Variants in GSE1 observed in about 807,000 individuals in gnomAD.
GSE1 encodes the protein Gse1 coiled-coil protein.
A neutral mutation model predicts 112.6 loss-of-function variants in GSE1; 32 were observed. The observed-to-expected ratio is 0.28, with a 90% CI of 0.21 to 0.38. The LOEUF is 0.38. Ranked by LOEUF, GSE1 falls within the 10% of genes least tolerant of loss-of-function variation. The pLI is 1.00. For synonymous variants in GSE1, 1,115 were observed against 735.6 expected (o/e 1.52, Z -8.35); for missense variants, 2,348 against 1,699.2 (o/e 1.38, Z -6.71).
intron 1 of GSE1, among the ~76,000 whole-genome samples, chr16:85,334,637 A>T (rs533528925): frequency 5.3e-5 from 8 of 152,206 alleles, no homozygotes; most frequent in Admixed American, 3.9e-4. Context: ...GGAGCCCCTT[A>T]TTGGGGCTAT....
intron 2 of GSE1, among the ~76,000 whole-genome samples, chr16:85,641,710 G>A (rs531841135): frequency 4.7e-4 from 71 of 152,344 alleles, no homozygotes; most frequent in Non-Finnish European, 8.4e-4. Flanking sequence ...CCAGTGGGTG[G>A]GGGGCTGATT....
chr16:85,628,672 C>T (rs1353382653), intron 1 of GSE1, among the ~76,000 whole-genome samples: 1 of 152,228 alleles, frequency 6.6e-6, no homozygotes, highest in Non-Finnish European at 1.5e-5. Flanking sequence ...TGACTTCGTG[C>T]CGTCGAGCCG....
intron 2 of GSE1, among the ~76,000 whole-genome samples, chr16:85,362,508 C>G (rs2047102353): frequency 6.6e-6 from 1 of 152,246 alleles, no homozygotes; most frequent in African/African-American, 2.4e-5. Context: ...ATGGAGCCTT[C>G]TCAAGGTTCA....
chr16:85,656,901 G>C (rs2052007444), intron 7 of GSE1, among the ~76,000 whole-genome samples: 1 of 152,266 alleles, frequency 6.6e-6, no homozygotes, highest in African/African-American at 2.4e-5. Flanking sequence ...CGGGGCATTA[G>C]GAAGGGATGT....
intron 2 of GSE1, among the ~76,000 whole-genome samples, chr16:85,404,018 T>TCA (rs1286733478): frequency 4.3e-5 from 3 of 70,296 alleles, no homozygotes; most frequent in African/African-American, 7.2e-5. Context: ...TGTGCCGTCC[T>TCA]TACGGGGCCT....
intron 1 of GSE1, among the ~76,000 whole-genome samples, chr16:85,179,508 G>A (rs1015698014): frequency 3.9e-5 from 6 of 152,160 alleles, no homozygotes; most frequent in African/African-American, 1.4e-4. Context: ...TTGAGTGTGC[G>A]CCTGGGAGTA....
upstream of GSE1, among the ~76,000 whole-genome samples, chr16:85,554,154 T>C (rs2151250437): frequency 6.6e-6 from 1 of 151,708 alleles, no homozygotes; most frequent in South Asian, 2.1e-4. Context: ...CAGCGTGCGT[T>C]TAAGGAGAGG....
At chr16:85,169,872 G>A in exon 1 of GSE1, 1 of 984,494 alleles carries the variant, frequency 1.0e-6, no homozygotes, top group Non-Finnish European at 1.2e-6. Context: ...ACTGGCTCAA[G>A]CGGCCCCACC....
chr16:85,569,324 AC>A (rs1375799651), intron 1 of GSE1, among the ~76,000 whole-genome samples: 1 of 152,128 alleles, frequency 6.6e-6, no homozygotes, highest in Admixed American at 6.5e-5. Context: ...ACCGTGACCT[AC>A]CACTGTAGCT....
At chr16:85,362,114 G>A (rs965557069) in intron 2 of GSE1, among the ~76,000 whole-genome samples, 18 of 152,330 alleles carry the variant, frequency 1.2e-4, no homozygotes, top group Middle Eastern at 3.4e-3. Context: ...GAGGAACCCT[G>A]GGGCTGGGAT....
chr16:85,511,720 G>A (rs975347525), intron 2 of GSE1, among the ~76,000 whole-genome samples: 3 of 152,128 alleles, frequency 2.0e-5, no homozygotes, highest in African/African-American at 7.2e-5. Context: ...ACAGGCAGAG[G>A]GAGATTTGAG....
chr16:85,233,226 G>A (rs998793905), intron 1 of GSE1, among the ~76,000 whole-genome samples: 2 of 152,270 alleles, frequency 1.3e-5, no homozygotes, highest in Admixed American at 6.5e-5. Flanking sequence ...ACCCAGCCTC[G>A]TTTGTCAGCC....
At chr16:85,651,855 C>T (rs999811136) in intron 3 of GSE1, among the ~76,000 whole-genome samples, 4 of 152,210 alleles carry the variant, frequency 2.6e-5, no homozygotes, top group East Asian at 1.9e-4. Flanking sequence ...TAGCTTTAGG[C>T]CTGGTGTTCA....
At chr16:85,300,081 A>C (rs1567672775) in intron 1 of GSE1, among the ~76,000 whole-genome samples, 2 of 151,388 alleles carry the variant, frequency 1.3e-5, no homozygotes, top group African/African-American at 2.4e-5. Context: ...GCACCATCTC[A>C]GCTCACCGTA....
At chr16:85,305,524 A>T (rs1357382778) in intron 1 of GSE1, among the ~76,000 whole-genome samples, 2 of 151,872 alleles carry the variant, frequency 1.3e-5, no homozygotes, top group African/African-American at 4.8e-5. Flanking sequence ...TCTGTCACCC[A>T]GGCTGGAGTG....
upstream of GSE1, among the ~76,000 whole-genome samples, chr16:85,551,718 C>T (rs2044924717): frequency 6.6e-6 from 1 of 152,216 alleles, no homozygotes; most frequent in African/African-American, 2.4e-5. Context: ...CTTTGAGACG[C>T]CCAGATCCAG....
At chr16:85,642,734 G>C (rs765175302) in intron 2 of GSE1, among the ~76,000 whole-genome samples, 4 of 152,266 alleles carry the variant, frequency 2.6e-5, no homozygotes, top group Non-Finnish European at 4.4e-5. Context: ...CTGAGCAGTT[G>C]CAGCGGGGCC....
At chr16:85,257,695 C>G (rs144833587) in intron 1 of GSE1, among the ~76,000 whole-genome samples, 1 of 152,324 alleles carries the variant, frequency 6.6e-6, no homozygotes, top group East Asian at 1.9e-4. Context: ...CCTGTGGTCC[C>G]AGCTACTGGT....
chr16:85,373,985 G>A lies in GSE1; in HGVS notation c.2464+16342G>A, dbSNP rs1421425616. Among the ~76,000 whole-genome samples the A allele has an allele frequency of 1.3e-5, 2 of 152,216 alleles. No individual in the cohort carries two copies. Among genetic ancestry groups the A allele is most frequent in the Non-Finnish European group, 2.9e-5 (2 of 68,038 alleles). The stretch of plus-strand genomic sequence containing the variant: ...ATCGCCCCACGGTGGCTGCATGTGC[G>A]TATGTGTGTGGGTGTCCACATGTGT... On this transcript the variant is annotated intron_variant, in intron 2 of 2. Coordinates refer to the GSE1 transcript ENST00000637419. This position sits in a 1 kb window ranked among gnomAD's most constrained non-coding sequence, Gnocchi z 5.1.
Sources: gnomAD v4.1 joint callset for allele counts (sites outside exome capture counted in the v4.1 genomes callset) on GRCh38, gnomAD v4.1.1 for gene constraint, Gnocchi (gnomAD v3.1) non-coding constraint, MANE v1.5 for transcripts, NCBI Gene and HGNC (gene_info 2026-07-23, HGNC 2026-07-21) for gene names.